Variants in TONSL observed in about 807,000 individuals in gnomAD.
TONSL encodes tonsoku-like protein.
TONSL carries 112 observed loss-of-function variants against 147.1 expected under a neutral mutation model. That is an observed-to-expected ratio of 0.76 (90% CI 0.65 to 0.89). TONSL has a LOEUF of 0.89. Ranked by LOEUF, TONSL falls within the 40% of genes least tolerant of loss-of-function variation. The pLI is 0.00. For synonymous variants in TONSL, 868 were observed against 801.5 expected, an observed-to-expected ratio of 1.08 and a Z score of -1.40; for missense variants, 1,883 against 1,864.6, an observed-to-expected ratio of 1.01 and a Z score of -0.18.
chr8:144,443,737 G>A (rs1192115902), intron 3 of TONSL, 145 bp downstream of exon 3: 2 of 1,182,654 alleles, frequency 1.7e-6, no homozygotes, highest in Admixed American at 2.4e-5. Flanking sequence ...CCGGAGGACT[G>A]GCCCGGGGCG....
chr8:144,436,104 C>A lies in TONSL; in HGVS notation c.2329G>T (p.Ala777Ser). 6.4e-7 allele frequency: 1 copy of A among 1,556,770 alleles called. No individual in the cohort carries two copies. The highest frequency in any genetic ancestry group is 8.6e-7 in the Non-Finnish European group (1 of 1,157,752). The stretch of plus-strand genomic sequence containing the variant: ...GCTGTGGCTGCTTCCCTGTTGCTGG[C>A]GGGGCCAGGCGTCCAGGCTGCCACC... ...QRVAAWTPGPASNREAATAST... is the reference protein window; with the variant it reads ...QRVAAWTPGPSSNREAATAST... The change falls in exon 17 of 26, where the codon GCC becomes TCC. Residue 777 changes from alanine (A) to serine (S), a missense_variant. By Grantham distance (99) the Ala-to-Ser change is moderately conservative. Coordinates refer to ENST00000409379, the MANE Select transcript of TONSL (RefSeq NM_013432.5).
Position 144,433,633 on chromosome 8 carries a change from T to C in TONSL, c.3514A>G (p.Ser1172Gly), listed in dbSNP as rs147517862. The C allele has an allele frequency of 2.0e-3, 3,160 of 1,613,326 alleles. 8 individuals carry two copies. Among genetic ancestry groups the C allele is most frequent in the Non-Finnish European group, 2.3e-3 (2,659 of 1,179,960 alleles). Residue 1172 changes from serine to glycine, a missense_variant, in exon 22 of 26, where the codon AGC (serine) becomes GGC (glycine). Transcript: ENST00000409379. Reference protein sequence around the residue: ...LRLQACGFGPSFFLSHQTALG... With the variant: ...LRLQACGFGPGFFLSHQTALG... ...GCTGTCTGGTGGCTCAGAAAGAAGC[T>C]GGGGCCGAAGCCACACGCCTGCAGG...
chr8:144,430,319 G>T (rs533446345), intron 25 of TONSL, 85 bp downstream of exon 25: 1 of 1,402,902 alleles, frequency 7.1e-7, no homozygotes. Context: ...AGCAGTGACA[G>T]CCCCTTAGGA....
At position 144,429,113 on chromosome 8, in the gene TONSL, CGGTGAG is replaced by C; in HGVS notation, c.*24_*29del. The C allele has an allele frequency of 6.7e-7, 1 of 1,496,698 alleles. No individual in the cohort carries two copies. The highest frequency in any genetic ancestry group is 8.9e-7 in the Non-Finnish European group (1 of 1,128,038). The allele number at this position is 1,496,698 out of a possible 1,614,324, so 92.7% of individuals were successfully genotyped here. The stretch of plus-strand genomic sequence containing the variant: ...CAGCAGCTTCATTTATTAGGGGCTT[CGGTGAG>C]GGTGGGGAAAGGCAGCGCCAGGGTC... On this transcript the variant is annotated 3_prime_UTR_variant, in exon 26 of 26. Transcript: ENST00000409379.
chr8:144,441,881 C>T lies in TONSL; in HGVS notation c.865+156G>A, dbSNP rs1823732143. ...TTCTCCTGTCAGGAAGTAGGGGTAC[C>T]TGCCCCTCTTGCTGAAGCTGCTGCC... On this transcript the variant is annotated intron_variant, in intron 7 of 25. Transcript: ENST00000409379. The T allele has an allele frequency of 4.9e-6, 3 of 607,662 alleles. No homozygotes were observed. In the African/African-American group the frequency reaches 5.6e-5, roughly 11 times the overall value. 37.6% of individuals were successfully genotyped at this position (607,662 alleles called of 1,614,324 possible). A position where few individuals can be genotyped will look rare whatever the true frequency, so the allele number is the denominator to read the frequency against.
intron 9 of TONSL, 92 bp downstream of exon 9, chr8:144,440,626 T>C: frequency 6.5e-7 from 1 of 1,538,310 alleles, no homozygotes; most frequent in Non-Finnish European, 8.8e-7. Context: ...GCCCGTCCAG[T>C]AAGGACACCT....
At chr8:144,434,352 G>A in intron 20 of TONSL, 73 bp from the exon 21 acceptor site, 2 of 1,337,596 alleles carry the variant, frequency 1.5e-6, no homozygotes, top group Non-Finnish European at 2.0e-6. Flanking sequence ...GGGCAAACCA[G>A]GCAGCCCCTT....
At chr8:144,444,334 C>T in intron 1 of TONSL, 56 bp downstream of exon 1, 1 of 1,310,488 alleles carries the variant, frequency 7.6e-7, no homozygotes, top group South Asian at 2.1e-5. Context: ...GGGGCCGAGT[C>T]CCAAGCCCTC....
chr8:144,437,906 T>G (rs1586691255), intron 13 of TONSL, among the ~76,000 whole-genome samples: 1 of 152,136 alleles, frequency 6.6e-6, no homozygotes, highest in Non-Finnish European at 1.5e-5. Flanking sequence ...GTACCCGGCC[T>G]GTGGCTTTTC....
rs995539642 is a variant in TONSL, at chr8:144,436,761, C to T, written c.1886G>A (p.Arg629Gln). The change falls in exon 15 of 26, where the codon CGA becomes CAA. Residue 629 changes from arginine (R) to glutamine (Q), a missense_variant. Coordinates refer to ENST00000409379, the MANE Select transcript of TONSL (RefSeq NM_013432.5). ...CCTCTGCCCCACCAGGCTCACCTTT[C>T]GAGTGCGGAGGGTGACGGACGCCCC... Reference protein sequence around the residue: ...ERGASVTLRTRKGLSPLETLQ... With the variant: ...ERGASVTLRTQKGLSPLETLQ... The T allele has an allele frequency of 8.1e-6, 13 of 1,610,692 alleles. No homozygotes were observed. Among genetic ancestry groups the T allele is most frequent in the South Asian group, 4.4e-5 (4 of 91,018 alleles).
intron 5 of TONSL, 57 bp downstream of exon 5, chr8:144,442,620 C>T (rs1384148387): frequency 4.4e-6 from 7 of 1,582,740 alleles, no homozygotes; most frequent in East Asian, 2.2e-5. Context: ...ACTCCCCTAA[C>T]TACTTCCTCC....
rs140691873 is a variant in TONSL at position 144,440,747 on chromosome 8, G to A, written c.1135C>T (p.Leu379=). The A allele has an allele frequency of 6.2e-4, 1,003 of 1,612,870 alleles. 9 individuals are homozygous for A. In the East Asian group the frequency reaches 0.018, roughly 29 times the overall value. Reference sequence around the variant, plus strand: ...AGCACGTTGCCGCTGCGCAGCCTCAGTTCCTCCTCATAGTGGCGCACGGCC... The same window carrying A: ...AGCACGTTGCCGCTGCGCAGCCTCAATTCCTCCTCATAGTGGCGCACGGCC... The part of the protein sequence containing the change: ...HGAVRHYEEE[L]RLRSGNVLEE... The change falls in exon 9 of 26, where the codon CTG becomes TTG. Residue 379 remains leucine, a synonymous_variant. Transcript: ENST00000409379.
rs1164760387 is a variant in TONSL, at chr8:144,439,215, C to G, written c.1481-480G>C. Among the ~76,000 whole-genome samples, 5 of 152,270 alleles carry G rather than the reference C, an allele frequency of 3.3e-5. 1 individual carries two copies. The East Asian group carries it at 5.8e-4, about 18-fold the overall frequency. The stretch of plus-strand genomic sequence containing the variant: ...ACCCTGCCTAGGCAGCAGACACACC[C>G]GCCTCCGTCCCTGCTTCGGGTGACC... On this transcript the variant is annotated intron_variant, in intron 11 of 25. Coordinates refer to ENST00000409379, the MANE Select transcript of TONSL (RefSeq NM_013432.5).
rs782465148 is a variant in TONSL at position 144,434,295 on chromosome 8, G to T, written c.3086-16C>A. The T allele has an allele frequency of 3.3e-6, 5 of 1,499,034 alleles. No homozygotes were observed. Among genetic ancestry groups the T allele is most frequent in the Middle Eastern group, 4.9e-4 (2 of 4,078 alleles). The allele number at this position is 1,499,034 out of a possible 1,614,324, so 92.9% of individuals were successfully genotyped here. On this transcript the variant is annotated splice_polypyrimidine_tract_variant and intron_variant, in intron 20 of 25. Transcript: ENST00000409379. ...TGGTGCTCCCCTGCGGGAGGGATGT[G>T]ATGTCACCAGGGTAAGGCCGGCCCT...
In TONSL at chr8:144,444,187, G is replaced by A. The variant is rs1316227187; in HGVS notation, c.114C>T (p.Ala38=). 15 of 1,448,156 alleles carry A rather than the reference G, an allele frequency of 1.0e-5. No individual in the cohort carries two copies. Among genetic ancestry groups the A allele is most frequent in the Non-Finnish European group, 1.3e-5 (14 of 1,103,418 alleles). The allele number at this position is 1,448,156 out of a possible 1,614,324, so 89.7% of individuals were successfully genotyped here. ...ALCHQLGELL[A]GHGRYAEALE... is the part of the protein sequence containing the mutation. ...CCTGGTCCCGGCGCTCACCATGGCC[G>A]GCCAGGAGCTCCCCCAGCTGGTGGC... Residue 38 remains alanine, a synonymous_variant, in exon 2 of 26, where the codon GCC becomes GCT. Coordinates refer to ENST00000409379, the MANE Select transcript of TONSL (RefSeq NM_013432.5).
rs371923350 is a variant in TONSL at position 144,436,814 on chromosome 8, G to A, written c.1833C>T (p.Phe611=). The change falls in exon 15 of 26, where the codon TTC becomes TTT. Residue 611 remains phenylalanine (F), a synonymous_variant. Transcript: ENST00000409379. ...PLHDALNCGH[F]EVAELLLERG... ...GTTCAAGCAGCAGCTCAGCCACCTC[G>A]AAGTGGCCACAGTTGAGGGCATCGT... 107 of 1,611,470 alleles carry A rather than the reference G, an allele frequency of 6.6e-5. No individual in the cohort carries two copies. Among genetic ancestry groups the A allele is most frequent in the African/African-American group, 3.2e-4 (24 of 75,054 alleles).
At chr8:144,441,363 C>G (rs183185569) in intron 7 of TONSL, 1 of 476,738 alleles carries the variant, frequency 2.1e-6, no homozygotes, top group African/African-American at 1.9e-5. Context: ...GAGGCCGAGG[C>G]GGGCAGATCA....
At chr8:144,443,827 G>T in intron 3 of TONSL, 55 bp downstream of exon 3, 1 of 1,535,310 alleles carries the variant, frequency 6.5e-7, no homozygotes, top group South Asian at 1.2e-5. Context: ...TCCCTCCTCA[G>T]AAAAGGGCTC....
intron 20 of TONSL, 59 bp downstream of exon 20, chr8:144,434,752 T>C: frequency 6.4e-7 from 1 of 1,563,116 alleles, no homozygotes; most frequent in Non-Finnish European, 8.7e-7. Flanking sequence ...TGGTGGAGCC[T>C]GTGTGCCCAA....
Sources: gnomAD v4.1 joint callset for allele counts (sites outside exome capture counted in the v4.1 genomes callset) on GRCh38, gnomAD v4.1.1 for gene constraint, MANE v1.5 for transcripts, NCBI Gene and HGNC (gene_info 2026-07-23, HGNC 2026-07-21) for gene names.